Variants in DNAH6 observed in about 807,000 individuals in gnomAD.
The protein encoded by DNAH6 is axonemal beta dynein heavy chain 6.
Under a neutral mutation model 491.4 loss-of-function variants are expected in DNAH6, and 340 were observed. That is an observed-to-expected ratio of 0.69 (90% CI 0.63 to 0.76). DNAH6 has a LOEUF of 0.76. Ranked by LOEUF, DNAH6 falls within the 30% of genes least tolerant of loss-of-function variation. DNAH6 has a pLI of 0.00. For synonymous variants in DNAH6, 1,603 were observed against 1,686.1 expected, an observed-to-expected ratio of 0.95 and a Z score of 1.21; for missense variants, 4,443 against 4,972.2, an observed-to-expected ratio of 0.89 and a Z score of 3.20.
intron 62 of DNAH6, among the ~76,000 whole-genome samples, chr2:84,739,041 T>C (rs1444847593): frequency 6.6e-6 from 1 of 152,180 alleles, no homozygotes; most frequent in Non-Finnish European, 1.5e-5. Flanking sequence ...GGTGGAAAAT[T>C]CCCTTGGTGA....
chr2:84,672,548 A>T, intron 40 of DNAH6, 64 bp downstream of exon 40: 1 of 1,421,508 alleles, frequency 7.0e-7, no homozygotes, highest in Non-Finnish European at 9.5e-7. Context: ...TATGATGTAT[A>T]GTTTGTGAGA....
At chr2:84,561,392 A>G (rs1178968421) in intron 11 of DNAH6, among the ~76,000 whole-genome samples, 2 of 152,206 alleles carry the variant, frequency 1.3e-5, no homozygotes, top group South Asian at 2.1e-4. Flanking sequence ...TTAATTCAAG[A>G]TGGATTAAAA....
intron 59 of DNAH6, among the ~76,000 whole-genome samples, chr2:84,720,383 A>G (rs1573597846): frequency 1.5e-5 from 2 of 134,240 alleles, no homozygotes; most frequent in African/African-American, 2.8e-5. Context: ...GGTTCACGCC[A>G]TTCTCCTGCC....
the DNAH6 span, among the ~76,000 whole-genome samples, chr2:84,483,261 G>C: frequency 6.6e-6 from 1 of 151,988 alleles, no homozygotes; most frequent in East Asian, 1.9e-4. Context: ...ACTGCACCTG[G>C]CCAATAATTT....
In DNAH6 at chr2:84,640,409, G is replaced by A. The variant is rs988521009; in HGVS notation, c.4822-21G>A. ...TTATCAATACAATATAATAAGCATT[G>A]CATTATTTTTTCTATTCTAGGTAAT... On this transcript the variant is annotated intron_variant, in intron 31 of 76. Transcript: ENST00000389394. The A allele has an allele frequency of 9.4e-6, 13 of 1,382,704 alleles. No individual in the cohort carries two copies. In the African/African-American group the frequency reaches 1.6e-4, roughly 17 times the overall value. The allele number at this position is 1,382,704 out of a possible 1,614,324, so 85.7% of individuals were successfully genotyped here.
chr2:84,722,653 T>A lies in DNAH6; in HGVS notation c.9821T>A (p.Leu3274Gln). 1 of 1,550,098 alleles carries A rather than the reference T, an allele frequency of 6.5e-7. No homozygotes were observed. The highest frequency in any genetic ancestry group is 2.4e-5 in the East Asian group (1 of 40,890). ...ACTTCTGGTGCCATTAAAACCAGGC[T>A]GGAAGAAGCAGAGTCCACTGAGCAG... The part of the protein sequence containing the change: ...KITSGAIKTR[L>Q]EEAESTEQMI... The change falls in exon 60 of 77, where the codon CTG (leucine) becomes CAG (glutamine). Residue 3274 changes from leucine to glutamine, a missense_variant. Physicochemically the swap from Leu to Gln is moderately radical, Grantham distance 113. Coordinates refer to ENST00000389394, the MANE Select transcript of DNAH6 (RefSeq NM_001370.2).
At chr2:84,735,803 A>T (rs901590678) in intron 62 of DNAH6, among the ~76,000 whole-genome samples, 12 of 152,110 alleles carry the variant, frequency 7.9e-5, no homozygotes, top group Non-Finnish European at 1.6e-4. Context: ...TTGCAAATAT[A>T]TTCTCCCATT....
At chr2:84,671,032 G>A (rs764451300) in intron 39 of DNAH6, among the ~76,000 whole-genome samples, 2 of 152,108 alleles carry the variant, frequency 1.3e-5, no homozygotes, top group African/African-American at 2.4e-5. Flanking sequence ...CCAGGTTTGT[G>A]GCTCCAGGTA....
At position 84,744,634 on chromosome 2, in the gene DNAH6, A is replaced by G. The variant is rs530216285; in HGVS notation, c.10343-446A>G. 3.3e-5 allele frequency among the ~76,000 whole-genome samples: 5 copies of G among 152,060 alleles called. No individual in the cohort carries two copies. The South Asian group carries it at 1.0e-3, about 32-fold the overall frequency. ...TTCTACCTCTAACAGTTATTATTTG[A>G]CATATTTTTATGCTATTTTCTGGCT... On this transcript the variant is annotated intron_variant, in intron 62 of 76. Transcript: ENST00000389394.
Position 84,677,006 on chromosome 2 carries a change from A to T in DNAH6, c.6614A>T (p.Asp2205Val). Residue 2205 changes from aspartate to valine, a missense_variant and splice_region_variant, in exon 41 of 77, where the codon GAT becomes GTT. Coordinates refer to ENST00000389394, the MANE Select transcript of DNAH6 (RefSeq NM_001370.2). ...CCAAGTGGATTTCTCTGCACACAGG[A>T]TGTAACAATCATATCGGCATGTGCA... ...RNKLFWKEIQ[D>V]VTIISACAPP... is the part of the protein sequence containing the mutation. The T allele has an allele frequency of 6.4e-7, 1 of 1,551,808 alleles. No homozygotes were observed. Among genetic ancestry groups the T allele is most frequent in the Non-Finnish European group, 8.7e-7 (1 of 1,146,988 alleles).
chr2:84,730,804 G>A (rs1699059740), intron 61 of DNAH6, among the ~76,000 whole-genome samples: 1 of 152,126 alleles, frequency 6.6e-6, no homozygotes, highest in Non-Finnish European at 1.5e-5. Context: ...GCAGACCAGT[G>A]ATTTGTTTTA....
chr2:84,520,821 A>G (rs932857659), intron 2 of DNAH6, among the ~76,000 whole-genome samples: 1 of 152,114 alleles, frequency 6.6e-6, no homozygotes, highest in Non-Finnish European at 1.5e-5. Flanking sequence ...AATAATGGGC[A>G]TTTAGACTGA....
intron 11 of DNAH6, among the ~76,000 whole-genome samples, chr2:84,568,036 T>A (rs1681394438): frequency 6.6e-6 from 1 of 152,072 alleles, no homozygotes; most frequent in African/African-American, 2.4e-5. Context: ...TGAGATACCA[T>A]CTCACACAGT....
rs771455334 is a variant in DNAH6 at position 84,797,509 on chromosome 2, T to C, written c.11360-28T>C. ...GTACAAAGCCAGTCTATTTGAGACATATTTGTCTTCTGTGTTTTTAATAAC... is the reference window on the plus strand; with the variant it reads ...GTACAAAGCCAGTCTATTTGAGACACATTTGTCTTCTGTGTTTTTAATAAC... On this transcript the variant is annotated intron_variant, in intron 69 of 76. Coordinates refer to ENST00000389394, the MANE Select transcript of DNAH6 (RefSeq NM_001370.2). 70 of 1,546,174 alleles carry C rather than the reference T, an allele frequency of 4.5e-5. No homozygotes were observed. In the East Asian group the frequency reaches 1.6e-3, roughly 36 times the overall value.
intron 48 of DNAH6, 123 bp from the exon 49 acceptor site, chr2:84,700,974 G>C: frequency 8.9e-7 from 1 of 1,127,204 alleles, no homozygotes; most frequent in Non-Finnish European, 1.2e-6. Flanking sequence ...ATGAGTAGGA[G>C]TTAACTAGGT....
rs1470978743 is a variant in DNAH6, at chr2:84,637,285, G to A, written c.4729G>A (p.Gly1577Ser). 1.3e-6 allele frequency: 2 copies of A among 1,551,172 alleles called. No individual in the cohort carries two copies. The highest frequency in any genetic ancestry group is 1.4e-5 in the African/African-American group (1 of 73,018). Residue 1577 changes from glycine to serine, a missense_variant, in exon 31 of 77, where the codon GGC (glycine) becomes AGC (serine). Gly to Ser is a moderately conservative substitution (Grantham distance 56, BLOSUM62 0). Transcript: ENST00000389394. The stretch of plus-strand genomic sequence containing the variant: ...TGCAGCCTTCATCACAATGAATCCT[G>A]GCTATGCAGGGAGAACTGAATTGCC... The part of the protein sequence containing the change: ...TCAAFITMNP[G>S]YAGRTELPDN...
chr2:84,485,993 C>CA, the DNAH6 span, among the ~76,000 whole-genome samples: 1 of 152,018 alleles, frequency 6.6e-6, no homozygotes, highest in Non-Finnish European at 1.5e-5. Context: ...TCCCCATGTT[C>CA]AAAAATCTTC....
intron 39 of DNAH6, among the ~76,000 whole-genome samples, chr2:84,671,119 G>A (rs1692699097): frequency 6.6e-6 from 1 of 152,168 alleles, no homozygotes; most frequent in Admixed American, 6.5e-5. Context: ...AGTATGCAGG[G>A]AATGGGAGGA....
intron 64 of DNAH6, among the ~76,000 whole-genome samples, chr2:84,765,740 G>A (rs917300850): frequency 2.0e-5 from 3 of 151,798 alleles, no homozygotes; most frequent in Non-Finnish European, 2.9e-5. Flanking sequence ...ACCTAAATAG[G>A]TATAAATATC....
Sources: allele counts gnomAD v4.1 joint callset (sites outside exome capture counted in the v4.1 genomes callset), GRCh38; gene constraint gnomAD v4.1.1; transcripts MANE v1.5; gene names NCBI Gene and HGNC (gene_info 2026-07-23, HGNC 2026-07-21).